The following MBOAT1 variants were observed in gnomAD, a reference collection of about 807,000 sequenced individuals.
MBOAT1 encodes the protein membrane bound glycerophospholipid O-acyltransferase 1.
A neutral mutation model predicts 64.4 loss-of-function variants in MBOAT1; 67 were observed. The observed-to-expected ratio is 1.04, with a 90% CI of 0.85 to 1.27. The LOEUF is 1.27. MBOAT1 is among the 50% of genes most tolerant of loss of function. MBOAT1 has a pLI of 0.00. For synonymous variants in MBOAT1, 229 were observed against 218.9 expected (o/e 1.05, Z -0.41); for missense variants, 563 against 604.6 (o/e 0.93, Z 0.72).
chr6:20,129,804 G>A (rs1466557640), intron 5 of MBOAT1, among the ~76,000 whole-genome samples: 1 of 152,122 alleles, frequency 6.6e-6, no homozygotes, highest in Non-Finnish European at 1.5e-5. Flanking sequence ...CCACTACCAA[G>A]GGGACTTTCC....
At chr6:20,136,976 T>C (rs556075337) in intron 4 of MBOAT1, among the ~76,000 whole-genome samples, 86 of 152,350 alleles carry the variant, frequency 5.6e-4, no homozygotes, top group African/African-American at 1.9e-3. Flanking sequence ...AATGGAGGCA[T>C]AGTAGCACCA....
chr6:20,120,006 C>T lies in MBOAT1; in HGVS notation c.908-1466G>A, dbSNP rs74361760. Among the ~76,000 whole-genome samples, 167 of 150,670 alleles carry T rather than the reference C, an allele frequency of 1.1e-3. 2 individuals are homozygous for T. The South Asian group carries it at 0.022, about 20-fold the overall frequency. On this transcript the variant is annotated intron_variant, in intron 8 of 12. Transcript: ENST00000324607. ...TATCTTTTCTGTGTGTGTGTGTGTG[C>T]GTGTGTGTGTGTGTGTGTTTTCAGT...
chr6:20,168,246 C>G (rs576328608), intron 1 of MBOAT1, among the ~76,000 whole-genome samples: 1 of 150,480 alleles, frequency 6.6e-6, no homozygotes, highest in African/African-American at 2.4e-5. Context: ...AAAATATAAA[C>G]CCAAGCAGCA....
At chr6:20,139,066 C>G (rs1472889653) in intron 4 of MBOAT1, among the ~76,000 whole-genome samples, 1 of 152,138 alleles carries the variant, frequency 6.6e-6, no homozygotes, top group African/African-American at 2.4e-5. Context: ...AGGACACAGT[C>G]GTACTGGATC....
At chr6:20,156,098 C>A (rs1761670170) in intron 1 of MBOAT1, among the ~76,000 whole-genome samples, 1 of 151,752 alleles carries the variant, frequency 6.6e-6, no homozygotes, top group African/African-American at 2.4e-5. Context: ...GAAACCCCGT[C>A]TCTACTAAAA....
At chr6:20,168,655 G>GGAGA (rs1762098823) in intron 1 of MBOAT1, among the ~76,000 whole-genome samples, 2 of 121,636 alleles carry the variant, frequency 1.6e-5, no homozygotes, top group African/African-American at 6.6e-5. Flanking sequence ...GGAGAGGAGA[G>GGAGA]GGAAAGAGAG....
At chr6:20,197,982 T>C (rs1763005104) in intron 1 of MBOAT1, among the ~76,000 whole-genome samples, 1 of 152,198 alleles carries the variant, frequency 6.6e-6, no homozygotes, top group Admixed American at 6.5e-5. Context: ...ATCCAGCACT[T>C]TGGGAGTCTG....
intron 7 of MBOAT1, among the ~76,000 whole-genome samples, chr6:20,126,249 A>G (rs1220157570): frequency 1.3e-5 from 2 of 152,198 alleles, no homozygotes; most frequent in Non-Finnish European, 1.5e-5. Context: ...TGTTAACTCC[A>G]CAGTGCTGGA....
chr6:20,208,504 G>A (rs988313943), intron 1 of MBOAT1, among the ~76,000 whole-genome samples: 4 of 148,360 alleles, frequency 2.7e-5, no homozygotes, highest in African/African-American at 9.9e-5. Flanking sequence ...ACTCACTCCT[G>A]GTATCACCAT....
chr6:20,126,710 TA>T lies in MBOAT1; in HGVS notation c.531-11del, dbSNP rs1342082905. 1.3e-6 allele frequency: 2 copies of T among 1,580,074 alleles called. No individual in the cohort carries two copies. Among genetic ancestry groups the T allele is most frequent in the Admixed American group, 3.8e-5 (2 of 53,196 alleles). Reference sequence around the variant, plus strand: ...AAAAGAGGGTTTCACTCTGTGAAAATAAAGTAAATAAATTGAAAAGTCTTCA... The same window carrying T: ...AAAAGAGGGTTTCACTCTGTGAAAATAAGTAAATAAATTGAAAAGTCTTCA... On this transcript the variant is annotated splice_polypyrimidine_tract_variant and intron_variant, in intron 6 of 12. Coordinates refer to ENST00000324607, the MANE Select transcript of MBOAT1 (RefSeq NM_001080480.3).
At chr6:20,120,006 CGT>C (rs10630791) in intron 8 of MBOAT1, among the ~76,000 whole-genome samples, 4 of 150,730 alleles carry the variant, frequency 2.7e-5, no homozygotes, top group South Asian at 2.1e-4. Flanking sequence ...TGTGTGTGTG[CGT>C]GTGTGTGTGT....
chr6:20,147,039 C>T (rs1380911539), intron 3 of MBOAT1, among the ~76,000 whole-genome samples: 1 of 152,108 alleles, frequency 6.6e-6, no homozygotes, highest in African/African-American at 2.4e-5. Flanking sequence ...TGAGTAAGTC[C>T]CACAAGATCT....
chr6:20,149,116 AAAAC>A lies in MBOAT1; in HGVS notation c.323+2065_323+2068del, dbSNP rs1227262598. Reference sequence around the variant, plus strand: ...ACTCTGTCTCAAAAAAAAAAAAAAAAAAACCAAACAAAAAAAGGAACATCTTGTG... The same window carrying A: ...ACTCTGTCTCAAAAAAAAAAAAAAAACAAACAAAAAAAGGAACATCTTGTG... On this transcript the variant is annotated intron_variant, in intron 3 of 12. Transcript: ENST00000324607. Among the ~76,000 whole-genome samples, 721 of 149,050 alleles carry A rather than the reference AAAAC, an allele frequency of 4.8e-3. 5 individuals carry two copies. Among genetic ancestry groups the A allele is most frequent in the African/African-American group, 0.018 (686 of 38,908 alleles).
chr6:20,112,993 C>T lies in MBOAT1; in HGVS notation c.1092G>A (p.Arg364=). Residue 364 remains arginine, a synonymous_variant, in exon 11 of 13, where the codon CGG becomes CGA. Transcript: ENST00000324607. The part of the protein sequence containing the change: ...ATWLKCVCYQ[R]VPWYPTVLTF... ...TTAGCACCGTGGGGTACCATGGAAC[C>T]CGCTGATAGCACACACTGTGAAGAG... The T allele has an allele frequency of 6.2e-7, 1 of 1,613,864 alleles. No homozygotes were observed. Among genetic ancestry groups the T allele is most frequent in the Non-Finnish European group, 8.5e-7 (1 of 1,179,870 alleles).
chr6:20,210,230 A>G (rs1763381288), intron 1 of MBOAT1, among the ~76,000 whole-genome samples: 1 of 152,156 alleles, frequency 6.6e-6, no homozygotes, highest in African/African-American at 2.4e-5. Context: ...AGGGTAGAGT[A>G]CCAGCTGGCA....
chr6:20,165,971 T>TA (rs946495022), intron 1 of MBOAT1, among the ~76,000 whole-genome samples: 2 of 151,920 alleles, frequency 1.3e-5, no homozygotes, highest in Admixed American at 6.6e-5. Flanking sequence ...AATGCTCATT[T>TA]AAAAAAAATG....
chr6:20,102,231 C>T lies in MBOAT1; in HGVS notation c.*55G>A. ...ACCGGAGGAGCCCTTGAAGCCTTGTCATCTCATCTTTCGAACGTTCTGCAG... is the reference window on the plus strand; with the variant it reads ...ACCGGAGGAGCCCTTGAAGCCTTGTTATCTCATCTTTCGAACGTTCTGCAG... On this transcript the variant is annotated 3_prime_UTR_variant, in exon 13 of 13. Coordinates refer to ENST00000324607, the MANE Select transcript of MBOAT1 (RefSeq NM_001080480.3). 6.3e-7 allele frequency: 1 copy of T among 1,576,546 alleles called. No individual in the cohort carries two copies. Among genetic ancestry groups the T allele is most frequent in the South Asian group, 1.2e-5 (1 of 86,614 alleles).
rs752459352 is a variant in MBOAT1, at chr6:20,212,272, C to T, written c.-38G>A. 40 of 1,574,710 alleles carry T rather than the reference C, an allele frequency of 2.5e-5. No individual in the cohort carries two copies. The highest frequency in any genetic ancestry group is 3.3e-5 in the Non-Finnish European group (38 of 1,155,904). On this transcript the variant is annotated 5_prime_UTR_variant, in exon 1 of 13. Coordinates refer to ENST00000324607, the MANE Select transcript of MBOAT1 (RefSeq NM_001080480.3). ...GGAGGTGGCTGCCCCTGTCCCAGCCCGCAACACCCCCTGCTCGGCGTCCTC... is the reference window on the plus strand; with the variant it reads ...GGAGGTGGCTGCCCCTGTCCCAGCCTGCAACACCCCCTGCTCGGCGTCCTC...
chr6:20,176,596 A>T (rs1762348836), intron 1 of MBOAT1, among the ~76,000 whole-genome samples: 1 of 152,164 alleles, frequency 6.6e-6, no homozygotes, highest in Non-Finnish European at 1.5e-5. Context: ...CTGTTATGAT[A>T]ATGATGATGA....
Sources: gnomAD v4.1 joint callset for allele counts (sites outside exome capture counted in the v4.1 genomes callset) on GRCh38, gnomAD v4.1.1 for gene constraint, MANE v1.5 for transcripts, NCBI Gene and HGNC (gene_info 2026-07-23, HGNC 2026-07-21) for gene names.